Variants in SMG6 observed in about 807,000 individuals in gnomAD.
The protein encoded by SMG6 is SMG6 nonsense mediated mRNA decay factor.
SMG6 carries 66 observed loss-of-function variants against 142.2 expected under a neutral mutation model. The observed-to-expected ratio is 0.46, with a 90% CI of 0.38 to 0.57. The LOEUF (loss-of-function observed/expected upper bound fraction) is 0.57. Among genes scored for constraint, SMG6 ranks in the 20% least tolerant of loss-of-function variants. The probability of loss-of-function intolerance (pLI) is 0.00; values close to 1 mark genes in which losing one functional copy is unlikely to be tolerated. For missense variants in SMG6, 1,793 were observed against 1,832.0 expected, an observed-to-expected ratio of 0.98 and a Z score of 0.39; for synonymous variants, 779 against 702.4, an observed-to-expected ratio of 1.11 and a Z score of -1.72.
intron 12 of SMG6, among the ~76,000 whole-genome samples, chr17:2,177,423 C>T (rs1264392468): frequency 1.3e-5 from 2 of 152,114 alleles, no homozygotes; most frequent in South Asian, 2.1e-4. Flanking sequence ...GGAGCACCAA[C>T]GCCTGACCAA....
At chr17:2,251,575 C>T (rs2074047067) in intron 8 of SMG6, among the ~76,000 whole-genome samples, 1 of 152,218 alleles carries the variant, frequency 6.6e-6, no homozygotes. Context: ...ACTACCTCTT[C>T]CAACTAACGC....
At chr17:2,188,269 G>C in intron 11 of SMG6, 130 bp downstream of exon 11, 1 of 728,358 alleles carries the variant, frequency 1.4e-6, no homozygotes. Flanking sequence ...AAAAGGAAGA[G>C]GGGCATGTAG....
At chr17:2,300,895 G>T (rs980323753) in intron 1 of SMG6, among the ~76,000 whole-genome samples, 1 of 152,176 alleles carries the variant, frequency 6.6e-6, no homozygotes, top group Non-Finnish European at 1.5e-5. Flanking sequence ...CTGTGTTGGG[G>T]CTACCTACAC....
chr17:2,151,822 C>G (rs1164795915), intron 13 of SMG6, among the ~76,000 whole-genome samples: 1 of 152,158 alleles, frequency 6.6e-6, no homozygotes, highest in Non-Finnish European at 1.5e-5. Context: ...GTTCTGAGAA[C>G]TGAATTCCAT....
intron 13 of SMG6, among the ~76,000 whole-genome samples, chr17:2,103,683 G>A (rs2069074254): frequency 6.6e-6 from 1 of 152,160 alleles, no homozygotes; most frequent in African/African-American, 2.4e-5. Context: ...CTCTTCTTGT[G>A]AGCTGTTTCT....
intron 12 of SMG6, among the ~76,000 whole-genome samples, chr17:2,173,694 G>A (rs1381932368): frequency 6.6e-6 from 1 of 152,058 alleles, no homozygotes; most frequent in Admixed American, 6.5e-5. Context: ...AACCTGAGAA[G>A]AAACCTTGAA....
At chr17:2,188,612 G>A (rs770824658) in intron 10 of SMG6, 97 bp from the exon 11 acceptor site, 21 of 1,014,622 alleles carry the variant, frequency 2.1e-5, no homozygotes, top group Admixed American at 4.1e-5. Context: ...TGAAGACTAG[G>A]GCTAGTGATA....
intron 8 of SMG6, chr17:2,256,239 G>C (rs1332715674): frequency 6.6e-6 from 1 of 151,468 alleles, no homozygotes; most frequent in African/African-American, 2.4e-5. Flanking sequence ...GGGTTTTTTT[G>C]AGGGGTGAGG....
chr17:2,194,460 G>A (rs969591431), intron 10 of SMG6, among the ~76,000 whole-genome samples: 1 of 152,198 alleles, frequency 6.6e-6, no homozygotes, highest in Admixed American at 6.5e-5. Context: ...CACTCATAAA[G>A]TTTATAATGC....
At chr17:2,245,354 G>T (rs1345091481) in intron 8 of SMG6, among the ~76,000 whole-genome samples, 1 of 152,138 alleles carries the variant, frequency 6.6e-6, no homozygotes, top group East Asian at 1.9e-4. Context: ...AATCCTCTAT[G>T]TAGGCCCAAG....
At chr17:2,165,351 C>A (rs528076565) in intron 13 of SMG6, among the ~76,000 whole-genome samples, 1 of 152,118 alleles carries the variant, frequency 6.6e-6, no homozygotes, top group South Asian at 2.1e-4. Context: ...GTATACAGAA[C>A]AGAAAATGTA....
At position 2,300,260 on chromosome 17, in the gene SMG6, CCTCCACCCG is replaced by C. The variant is rs776691694; in HGVS notation, c.484_492del (p.Arg162_Glu164del). 12 of 1,614,086 alleles carry C rather than the reference CCTCCACCCG, an allele frequency of 7.4e-6. No individual in the cohort carries two copies. In the African/African-American group the frequency reaches 1.3e-4, roughly 18 times the overall value. On this transcript the variant is annotated inframe_deletion, in exon 2 of 19. Coordinates refer to ENST00000263073, the MANE Select transcript of SMG6 (RefSeq NM_017575.5). ...TCTACCTGGTTGAGGACTTCTTCCT[CCTCCACCCG>C]ACTGGCGGATTCTTTGCTAACAGTC... is the stretch of plus-strand genomic sequence containing the variant.
At chr17:2,163,993 C>CG (rs1567650072) in intron 13 of SMG6, among the ~76,000 whole-genome samples, 1 of 151,054 alleles carries the variant, frequency 6.6e-6, no homozygotes, top group Non-Finnish European at 1.5e-5. Flanking sequence ...ACCAAGAAGA[C>CG]GGAGGTTGCA....
intron 10 of SMG6, among the ~76,000 whole-genome samples, chr17:2,190,819 G>T (rs571654878): frequency 2.0e-5 from 3 of 152,278 alleles, no homozygotes; most frequent in Non-Finnish European, 2.9e-5. Flanking sequence ...CTGAAGAAAG[G>T]CTTGAAATAA....
chr17:2,295,176 CA>C (rs1187048986), intron 4 of SMG6, among the ~76,000 whole-genome samples: 1 of 152,092 alleles, frequency 6.6e-6, no homozygotes, highest in African/African-American at 2.4e-5. Flanking sequence ...TGCGCCCAGC[CA>C]AAAACATCTG....
chr17:2,207,894 T>C (rs138327114), intron 10 of SMG6, among the ~76,000 whole-genome samples: 15 of 152,324 alleles, frequency 9.8e-5, no homozygotes, highest in Admixed American at 3.3e-4. Context: ...ATTTAGAGGA[T>C]AGAACTGACC....
At chr17:2,140,310 G>C (rs920111057) in intron 13 of SMG6, among the ~76,000 whole-genome samples, 1 of 152,190 alleles carries the variant, frequency 6.6e-6, no homozygotes, top group Non-Finnish European at 1.5e-5. Flanking sequence ...GCATGCCTCA[G>C]CCTCCCAAAG....
intron 13 of SMG6, among the ~76,000 whole-genome samples, chr17:2,170,605 A>C (rs1369104694): frequency 6.6e-6 from 1 of 152,252 alleles, no homozygotes; most frequent in Non-Finnish European, 1.5e-5. Context: ...CCATTCTGAG[A>C]CTAGAAGAGC....
intron 13 of SMG6, among the ~76,000 whole-genome samples, chr17:2,137,298 A>G (rs2070335106): frequency 6.6e-6 from 1 of 152,224 alleles, no homozygotes. Context: ...GGGAGTACCA[A>G]AAGTGGTGAT....
Sources: allele counts gnomAD v4.1 joint callset (sites outside exome capture counted in the v4.1 genomes callset), GRCh38; gene constraint gnomAD v4.1.1; transcripts MANE v1.5; gene names NCBI Gene and HGNC (gene_info 2026-07-23, HGNC 2026-07-21).